OPCML: variants seen among roughly 807,000 people sequenced by gnomAD.
OPCML encodes opioid-binding protein/cell adhesion molecule.
Under a neutral mutation model 37.8 loss-of-function variants are expected in OPCML, and 13 were observed. The observed-to-expected ratio is 0.34, with a 90% confidence interval of 0.22 to 0.55. The LOEUF is 0.55. OPCML is among the 20% of genes least tolerant of loss of function. OPCML has a pLI of 0.91. For synonymous variants in OPCML, 176 were observed against 168.8 expected (o/e 1.04, Z -0.33); for missense variants, 341 against 435.6 (o/e 0.78, Z 1.93).
intron 2 of OPCML, among the ~76,000 whole-genome samples, chr11:132,864,932 G>A (rs1476775018): frequency 6.6e-6 from 1 of 152,212 alleles, no homozygotes; most frequent in Non-Finnish European, 1.5e-5. Context: ...TGAGTGAAGG[G>A]CTCATCTCCT....
intron 1 of OPCML, among the ~76,000 whole-genome samples, chr11:133,489,991 T>C (rs1947620738): frequency 6.6e-6 from 1 of 152,130 alleles, no homozygotes; most frequent in South Asian, 2.1e-4. Context: ...TGCAGCAACA[T>C]GCATGGAACT....
intron 2 of OPCML, among the ~76,000 whole-genome samples, chr11:132,755,060 A>G (rs1945989616): frequency 6.6e-6 from 1 of 152,154 alleles, no homozygotes; most frequent in Non-Finnish European, 1.5e-5. Flanking sequence ...ACTCAAATAT[A>G]TAGAAAATTT....
chr11:133,386,447 T>C (rs1945054997), intron 1 of OPCML, among the ~76,000 whole-genome samples: 1 of 152,140 alleles, frequency 6.6e-6, no homozygotes, highest in Non-Finnish European at 1.5e-5. Context: ...TTAGAAGACA[T>C]ACTGGCCAGC....
chr11:132,729,236 G>A (rs2136003734), intron 2 of OPCML, among the ~76,000 whole-genome samples: 1 of 152,154 alleles, frequency 6.6e-6, no homozygotes, highest in East Asian at 1.9e-4. Context: ...TCCTTGTAGA[G>A]CTCAAGTAAA....
At position 132,457,352 on chromosome 11, in the gene OPCML, C is replaced by T. The variant is rs554111243; in HGVS notation, c.506-19993G>A. Among the ~76,000 whole-genome samples the T allele has an allele frequency of 1.3e-3, 199 of 152,270 alleles. 1 individual carries two copies. The highest frequency in any genetic ancestry group is 2.2e-3 in the Non-Finnish European group (151 of 68,014). On this transcript the variant is annotated intron_variant, in intron 4 of 7. Coordinates refer to ENST00000524381, the MANE Select transcript of OPCML (RefSeq NM_001012393.5). Reference sequence around the variant, plus strand: ...TGAGACATCTACTCTGCTCTTAAGACGCTTACAATAGAGTTGTTCAGAAAG... The same window carrying T: ...TGAGACATCTACTCTGCTCTTAAGATGCTTACAATAGAGTTGTTCAGAAAG...
At chr11:132,441,333 A>T (rs1390364696) in intron 4 of OPCML, among the ~76,000 whole-genome samples, 2 of 149,960 alleles carry the variant, frequency 1.3e-5, no homozygotes, top group Non-Finnish European at 3.0e-5. Flanking sequence ...ACGCCCGGCT[A>T]ATTTTTTTGT....
At chr11:132,948,234 C>T (rs973868775) in intron 1 of OPCML, among the ~76,000 whole-genome samples, 8 of 152,142 alleles carry the variant, frequency 5.3e-5, no homozygotes, top group African/African-American at 1.2e-4. Flanking sequence ...AGGGGCACAC[C>T]GTGCCATGCT....
chr11:133,443,142 A>G (rs989285054), intron 1 of OPCML, among the ~76,000 whole-genome samples: 1 of 152,222 alleles, frequency 6.6e-6, no homozygotes, highest in Non-Finnish European at 1.5e-5. Context: ...TAATAGTTGC[A>G]TACCATCACA....
chr11:133,113,180 T>C (rs1018273807), intron 1 of OPCML, among the ~76,000 whole-genome samples: 2 of 152,222 alleles, frequency 1.3e-5, no homozygotes, highest in Non-Finnish European at 2.9e-5. Flanking sequence ...AGCTAAACTG[T>C]ATGGGTATAA....
intron 1 of OPCML, among the ~76,000 whole-genome samples, chr11:133,027,115 C>A (rs1947568855): frequency 6.6e-6 from 1 of 152,190 alleles, no homozygotes; most frequent in South Asian, 2.1e-4. Context: ...CTCTCTGTGT[C>A]TCAGTTTTGT....
At chr11:133,124,761 C>T (rs559990246) in intron 1 of OPCML, among the ~76,000 whole-genome samples, 2 of 152,278 alleles carry the variant, frequency 1.3e-5, no homozygotes, top group African/African-American at 4.8e-5. Flanking sequence ...TCCTCACCTC[C>T]GCCCTCCCAT....
At chr11:132,915,729 G>A (rs1051986643) in intron 2 of OPCML, among the ~76,000 whole-genome samples, 8 of 152,134 alleles carry the variant, frequency 5.3e-5, no homozygotes, top group Non-Finnish European at 1.0e-4. Flanking sequence ...AACTCATAAG[G>A]TTCAGCATTT....
At chr11:133,005,672 C>G in intron 1 of OPCML, 1 of 979,484 alleles carries the variant, frequency 1.0e-6, no homozygotes, top group Non-Finnish European at 1.2e-6. Flanking sequence ...TGCATGGATA[C>G]TTATCAATAT....
At chr11:132,962,512 C>T (rs1172515398) in intron 1 of OPCML, among the ~76,000 whole-genome samples, 5 of 152,212 alleles carry the variant, frequency 3.3e-5, no homozygotes, top group African/African-American at 7.2e-5. Context: ...TCTAGACTGT[C>T]GCGTGAGAGA....
At chr11:133,092,580 G>A (rs1358180668) in intron 1 of OPCML, among the ~76,000 whole-genome samples, 21 of 152,022 alleles carry the variant, frequency 1.4e-4, no homozygotes, top group Admixed American at 1.3e-3. Flanking sequence ...ACAAAAATTA[G>A]CTGGGCATGG....
chr11:132,769,434 G>T (rs1012759678), intron 2 of OPCML, among the ~76,000 whole-genome samples: 1 of 151,912 alleles, frequency 6.6e-6, no homozygotes, highest in East Asian at 1.9e-4. Context: ...CTCAGTAAGG[G>T]GTCACTGAAC....
At chr11:133,532,041 C>T (rs1397149567) in intron 1 of OPCML, 2 of 278,270 alleles carry the variant, frequency 7.2e-6, no homozygotes, top group East Asian at 3.6e-4. Context: ...ACTGGATCCC[C>T]CGGAACAGAG....
chr11:132,459,538 T>C (rs1267088027), intron 4 of OPCML, among the ~76,000 whole-genome samples: 2 of 148,438 alleles, frequency 1.3e-5, no homozygotes, highest in African/African-American at 2.5e-5. Flanking sequence ...CACATATACA[T>C]ATATATATAG....
chr11:133,336,879 G>T (rs1418463198), intron 1 of OPCML, among the ~76,000 whole-genome samples: 1 of 152,218 alleles, frequency 6.6e-6, no homozygotes, highest in African/African-American at 2.4e-5. Flanking sequence ...AAGCTCAAGG[G>T]CAGGCTTCAA....
Sources: allele counts gnomAD v4.1 joint callset (sites outside exome capture counted in the v4.1 genomes callset), GRCh38; gene constraint gnomAD v4.1.1; transcripts MANE v1.5; gene names NCBI Gene and HGNC (gene_info 2026-07-23, HGNC 2026-07-21).